Variants in PCDH11X observed in about 807,000 individuals in gnomAD.
The protein encoded by PCDH11X is protocadherin-11 X-linked.
In PCDH11X, 18 loss-of-function variants were observed where a neutral mutation model predicts 53.3. That is an observed-to-expected ratio of 0.34 (90% CI 0.23 to 0.50). PCDH11X has a LOEUF of 0.50. Ranked by LOEUF, PCDH11X falls within the 20% of genes least tolerant of loss-of-function variation. The pLI is 0.98. For missense variants in PCDH11X, 570 were observed against 1,032.4 expected (o/e 0.55, Z 6.14); for synonymous variants, 279 against 393.3 (o/e 0.71, Z 3.44).
intron 5 of PCDH11X, among the ~76,000 whole-genome samples, chrX:91,859,302 C>A (rs1938527837): frequency 1.9e-5 from 2 of 107,914 alleles, no homozygotes; most frequent in Admixed American, 2.0e-4. Context: ...CCTTTGCCCA[C>A]TTTTTAATGT....
intron 7 of PCDH11X, among the ~76,000 whole-genome samples, chrX:92,212,349 T>C (rs1334183370): frequency 2.7e-5 from 3 of 110,584 alleles, no homozygotes; most frequent in Admixed American, 9.7e-5. Context: ...TATTTATTTA[T>C]TATTTTATTT....
chrX:91,813,344 C>T (rs1936349547), intron 4 of PCDH11X, among the ~76,000 whole-genome samples: 2 of 107,383 alleles, frequency 1.9e-5, no homozygotes, highest in South Asian at 8.2e-4. Context: ...TACATTTAAC[C>T]TTATCGTTAC....
chrX:91,781,797 C>T lies in PCDH11X; in HGVS notation c.-379+2113C>T, dbSNP rs142765435. On this transcript the variant is annotated intron_variant, in intron 1 of 10. Transcript: ENST00000682573. ...TGGTTCATCATAGAGAGAGCGCGGACCGTGTGCGGGCGGTCTTGACGAAAG... is the reference window on the plus strand; with the variant it reads ...TGGTTCATCATAGAGAGAGCGCGGATCGTGTGCGGGCGGTCTTGACGAAAG... Among the ~76,000 whole-genome samples the T allele has an allele frequency of 7.4e-3, 828 of 112,212 alleles. 11 individuals carry two copies. The highest frequency in any genetic ancestry group is 0.022 in the African/African-American group (687 of 30,897).
intron 5 of PCDH11X, among the ~76,000 whole-genome samples, chrX:91,852,793 G>C (rs182039518): frequency 9.1e-6 from 1 of 109,290 alleles, no homozygotes; most frequent in Non-Finnish European, 1.9e-5. Flanking sequence ...TGTCTCCAGA[G>C]TTTGACAAAT....
chrX:92,542,144 A>G (rs1448211711), intron 10 of PCDH11X, among the ~76,000 whole-genome samples: 1 of 111,767 alleles, frequency 8.9e-6, no homozygotes, highest in Non-Finnish European at 1.9e-5. Flanking sequence ...TGTAAATGTG[A>G]TTAAATTTCG....
chrX:92,100,669 G>T (rs761510778), intron 6 of PCDH11X, among the ~76,000 whole-genome samples: 2 of 111,147 alleles, frequency 1.8e-5, no homozygotes, highest in African/African-American at 6.6e-5. Context: ...CGATGGCTTG[G>T]CTTGGGCTCA....
chrX:92,248,967 G>A (rs1463513010), intron 7 of PCDH11X, among the ~76,000 whole-genome samples: 1 of 111,408 alleles, frequency 9.0e-6, no homozygotes, highest in African/African-American at 3.3e-5. Flanking sequence ...GCCTCCCAAT[G>A]TGCTGGGATT....
intron 6 of PCDH11X, among the ~76,000 whole-genome samples, chrX:92,042,073 A>C (rs373263612): frequency 1.1e-4 from 12 of 111,882 alleles, no homozygotes; most frequent in Admixed American, 5.7e-4. Context: ...TAAAACAACT[A>C]AAGTATCTAA....
chrX:92,338,761 G>T (rs1237416656), intron 8 of PCDH11X, among the ~76,000 whole-genome samples: 7 of 111,588 alleles, frequency 6.3e-5, no homozygotes, highest in Admixed American at 9.5e-5. Context: ...TAAGTGGCTG[G>T]GTCATGTTGG....
Position 91,877,478 on chromosome X carries a change from G to A in PCDH11X, c.1238G>A (p.Ser413Asn). ...CCTTTCAGATTAAGGCCAGTATTCA[G>A]TAATCAGTTCCTCCTGGAGACTGCA... ...EIPFRLRPVF[S>N]NQFLLETAAY... Residue 413 changes from serine (S) to asparagine (N), a missense_variant, in exon 6 of 11, where the codon AGT becomes AAT. By Grantham distance (46) the Ser-to-Asn change is conservative. This residue lies in a region of PCDH11X where 226 missense variants were observed against 457.5 expected (regional missense o/e 0.49). Transcript: ENST00000682573. 8.3e-7 allele frequency: 1 copy of A among 1,211,596 alleles called. No homozygotes were observed. Among genetic ancestry groups the A allele is most frequent in the Non-Finnish European group, 1.1e-6 (1 of 895,443 alleles).
chrX:92,455,557 G>A (rs368495730), intron 9 of PCDH11X, among the ~76,000 whole-genome samples: 1 of 19,189 alleles, frequency 5.2e-5, no homozygotes, highest in East Asian at 1.3e-3. Flanking sequence ...TGGAATTATA[G>A]GCATGAGCCA....
chrX:91,916,318 T>A (rs1261334732), intron 6 of PCDH11X, among the ~76,000 whole-genome samples: 2 of 109,149 alleles, frequency 1.8e-5, no homozygotes, highest in Admixed American at 2.0e-4. Context: ...AGGAAAGAAA[T>A]AACGAAGACC....
chrX:92,265,651 A>C (rs1219752105), intron 8 of PCDH11X, among the ~76,000 whole-genome samples: 1 of 111,192 alleles, frequency 9.0e-6, no homozygotes, highest in Non-Finnish European at 1.9e-5. Context: ...ATACACAGTT[A>C]ATCTTCACAA....
intron 8 of PCDH11X, among the ~76,000 whole-genome samples, chrX:92,321,457 A>T (rs922140665): frequency 9.0e-6 from 1 of 110,678 alleles, no homozygotes; most frequent in Non-Finnish European, 1.9e-5. Context: ...TGGCCTCCCA[A>T]AGTGCTGGGA....
chrX:92,460,062 C>G (rs1603333874), intron 9 of PCDH11X: 1 of 954,445 alleles, frequency 1.0e-6, no homozygotes. Flanking sequence ...GCAAGACCAT[C>G]GAGGACCTGA....
intron 5 of PCDH11X, among the ~76,000 whole-genome samples, chrX:91,846,640 T>A (rs1937686278): frequency 9.1e-6 from 1 of 109,843 alleles, no homozygotes; most frequent in Middle Eastern, 4.7e-3. Flanking sequence ...AAGAAAAAAG[T>A]TATTTTAAAG....
chrX:92,267,626 G>A (rs181763604), intron 8 of PCDH11X, among the ~76,000 whole-genome samples: 41 of 112,467 alleles, frequency 3.6e-4, no homozygotes, highest in African/African-American at 1.2e-3. Context: ...CAGTGCAGAC[G>A]TGTTTGGAGG....
chrX:92,228,610 T>C (rs889901786), intron 7 of PCDH11X, among the ~76,000 whole-genome samples: 4 of 111,440 alleles, frequency 3.6e-5, no homozygotes, highest in Non-Finnish European at 7.5e-5. Context: ...TCTCACAGTT[T>C]TCTCATTGGT....
In PCDH11X at chrX:92,477,655, A is replaced by T. The variant is rs774334919; in HGVS notation, c.3367+9333A>T. ...TTCCCTTTTCCCTCCTCATTTCTCC[A>T]TCAGAGGGAGTCTTGCCCCCTACAC... On this transcript the variant is annotated intron_variant, in intron 10 of 10. Transcript: ENST00000682573. 3.2e-3 allele frequency among the ~76,000 whole-genome samples: 269 copies of T among 84,995 alleles called. 2 individuals carry two copies. The highest frequency in any genetic ancestry group is 0.012 in the African/African-American group (256 of 21,989). The allele number at this position is 84,995 out of a possible 115,157, so 73.8% of individuals were successfully genotyped here. A position where few individuals can be genotyped will look rare whatever the true frequency, so the allele number is the denominator to read the frequency against.
Sources: gnomAD v4.1 joint callset for allele counts (sites outside exome capture counted in the v4.1 genomes callset) on GRCh38, gnomAD v4.1.1 for gene constraint, gnomAD v4.1.1 regional missense constraint, MANE v1.5 for transcripts, NCBI Gene and HGNC (gene_info 2026-07-23, HGNC 2026-07-21) for gene names.